TMPRSS2: variants seen among roughly 807,000 people sequenced by gnomAD.
The protein encoded by TMPRSS2 is transmembrane protease serine 2.
In TMPRSS2, 59 loss-of-function variants were observed where a neutral mutation model predicts 67.4. The observed-to-expected ratio is 0.88, with a 90% CI of 0.71 to 1.09. TMPRSS2 has a LOEUF of 1.09. TMPRSS2 is among the 50% of genes least tolerant of loss of function. The probability of loss-of-function intolerance (pLI) is 0.00; values close to 1 mark genes in which losing one functional copy is unlikely to be tolerated. For missense variants in TMPRSS2, 668 were observed against 642.7 expected (o/e 1.04, Z -0.43); for synonymous variants, 257 against 257.0 (o/e 1.00, Z 0.00).
At position 41,500,479 on chromosome 21, in the gene TMPRSS2, T is replaced by C. The variant is rs551677463; in HGVS notation, c.-56-2290A>G. Among the ~76,000 whole-genome samples the C allele has an allele frequency of 3.9e-5, 6 of 152,334 alleles. No individual in the cohort carries two copies. In the East Asian group the frequency reaches 9.6e-4, roughly 24 times the overall value. ...AGTACACCATCGCTTTCCTGTGTCC[T>C]AAGCAGAACTGGTTGCTGAATCATT... On this transcript the variant is annotated intron_variant, in intron 1 of 13. Transcript: ENST00000332149.
intron 9 of TMPRSS2, among the ~76,000 whole-genome samples, 175 bp from the exon 10 acceptor site, chr21:41,472,156 C>T (rs1373122884): frequency 1.3e-5 from 2 of 151,634 alleles, no homozygotes; most frequent in African/African-American, 4.9e-5. Flanking sequence ...CCACACTCCC[C>T]CAACCCCGAC....
At chr21:41,467,931 A>G (rs1031391985) in intron 12 of TMPRSS2, 45 bp from the exon 13 acceptor site, 15 of 1,611,488 alleles carry the variant, frequency 9.3e-6, no homozygotes, top group Non-Finnish European at 1.3e-5. Flanking sequence ...TCAAGTCACA[A>G]TCTGCCGCAC....
chr21:41,472,475 G>A (rs972296037), intron 9 of TMPRSS2, among the ~76,000 whole-genome samples: 4 of 152,102 alleles, frequency 2.6e-5, no homozygotes, highest in Admixed American at 1.3e-4. Flanking sequence ...GAGGGGGAGA[G>A]AAGGGAGCAC....
chr21:41,471,892 T>A lies in TMPRSS2; in HGVS notation c.989A>T (p.Lys330Ile). 1 of 1,613,616 alleles carries A rather than the reference T, an allele frequency of 6.2e-7. No homozygotes were observed. Among genetic ancestry groups the A allele is most frequent in the Admixed American group, 1.7e-5 (1 of 60,010 alleles). ...GTCATAATTTGGATGAGAAATCACT[T>A]TTTCTACTTGGTATCCGGCTCCATA... ...MFYGAGYQVE[K>I]VISHPNYDSK... is the part of the protein sequence containing the mutation. Residue 330 changes from lysine to isoleucine, a missense_variant, in exon 10 of 14, where the codon AAA becomes ATA. Lys to Ile is a moderately radical substitution (Grantham distance 102). Coordinates refer to ENST00000332149, the MANE Select transcript of TMPRSS2 (RefSeq NM_005656.4).
chr21:41,497,693 C>T (rs965632767), intron 2 of TMPRSS2, among the ~76,000 whole-genome samples: 2 of 152,174 alleles, frequency 1.3e-5, no homozygotes, highest in Non-Finnish European at 2.9e-5. Flanking sequence ...GAGTGGGCTC[C>T]AGGGAGAGGG....
At chr21:41,467,994 C>A in intron 12 of TMPRSS2, 108 bp from the exon 13 acceptor site, 1 of 1,235,112 alleles carries the variant, frequency 8.1e-7, no homozygotes, top group Admixed American at 1.9e-5. Context: ...GTGTGAGTTA[C>A]GAGTGACTGT....
chr21:41,477,428 T>C (rs1167242794), intron 7 of TMPRSS2, among the ~76,000 whole-genome samples: 1 of 152,108 alleles, frequency 6.6e-6, no homozygotes, highest in Non-Finnish European at 1.5e-5. Context: ...TCTTTACCAA[T>C]CACAGCTTTA....
chr21:41,502,566 C>A (rs1453529077), intron 1 of TMPRSS2: 1 of 985,264 alleles, frequency 1.0e-6, no homozygotes, highest in Non-Finnish European at 1.2e-6. Context: ...TCAAAAAGAG[C>A]CCTTTATGCC....
At chr21:41,491,770 G>A (rs754393239) in intron 3 of TMPRSS2, among the ~76,000 whole-genome samples, 6 of 152,270 alleles carry the variant, frequency 3.9e-5, no homozygotes, top group Non-Finnish European at 8.8e-5. Flanking sequence ...AGGAGAGTGT[G>A]TAAAGCGGGA....
At chr21:41,467,951 C>T in intron 12 of TMPRSS2, 65 bp from the exon 13 acceptor site, 2 of 1,598,416 alleles carry the variant, frequency 1.3e-6, no homozygotes, top group Admixed American at 1.7e-5. Flanking sequence ...CACCACTGAC[C>T]AGGCCTAGAG....
At chr21:41,507,526 C>CG (rs2091466674) in intron 1 of TMPRSS2, among the ~76,000 whole-genome samples, 1 of 152,166 alleles carries the variant, frequency 6.6e-6, no homozygotes, top group Non-Finnish European at 1.5e-5. Flanking sequence ...CCCGCCGCGC[C>CG]GGCCGTATCG....
In TMPRSS2 at chr21:41,471,947, C is replaced by T. The variant is rs772504668; in HGVS notation, c.934G>A (p.Ala312Thr). Residue 312 changes from alanine (A) to threonine (T), a missense_variant, in exon 10 of 14, where the codon GCG (alanine) becomes ACG (threonine). Ala to Thr is a moderately conservative substitution (Grantham distance 58). Transcript: ENST00000332149. The part of the protein sequence containing the change: ...LNNPWHWTAF[A>T]GILRQSFMFY... ...ATGAAAGATTGTCTCAAAATCCCCG[C>T]AAATGCCGTCCAATGCCATGGATTG... 8 of 1,612,496 alleles carry T rather than the reference C, an allele frequency of 5.0e-6. No individual in the cohort carries two copies. Among genetic ancestry groups the T allele is most frequent in the East Asian group, 4.5e-5 (2 of 44,838 alleles).
intron 1 of TMPRSS2, among the ~76,000 whole-genome samples, chr21:41,507,067 A>G (rs919280630): frequency 1.5e-4 from 23 of 152,206 alleles, no homozygotes; most frequent in African/African-American, 5.3e-4. Context: ...CGTTCTGAAC[A>G]GGATTCAGGG....
intron 2 of TMPRSS2, 110 bp downstream of exon 2, chr21:41,498,009 G>A (rs2091397111): frequency 1.2e-6 from 1 of 803,838 alleles, no homozygotes; most frequent in African/African-American, 1.7e-5. Flanking sequence ...GCGTGGCCCG[G>A]CGTTCCCTAC....
chr21:41,468,528 T>C lies in TMPRSS2; in HGVS notation c.1182A>G (p.Ser394=), dbSNP rs1175489557. The C allele has an allele frequency of 1.9e-6, 3 of 1,614,144 alleles. No homozygotes were observed. Among genetic ancestry groups the C allele is most frequent in the African/African-American group, 1.3e-5 (1 of 75,052 alleles). Residue 394 remains serine (S), a synonymous_variant, in exon 12 of 14, where the codon TCA becomes TCG. Coordinates refer to ENST00000332149, the MANE Select transcript of TMPRSS2 (RefSeq NM_005656.4). Reference sequence around the variant, plus strand: ...GCACCTTGGCAGCGTTCAGCACTTCTGAGGTCTTCCCTAAGGACAGGGAGA... The same window carrying C: ...GCACCTTGGCAGCGTTCAGCACTTCCGAGGTCTTCCCTAAGGACAGGGAGA... ...WGATEEKGKT[S]EVLNAAKVLL...
chr21:41,472,650 A>G (rs1290916061), intron 9 of TMPRSS2, among the ~76,000 whole-genome samples: 3 of 152,180 alleles, frequency 2.0e-5, no homozygotes, highest in African/African-American at 7.2e-5. Flanking sequence ...ATAGTTGTAC[A>G]TGCCATGGAT....
intron 5 of TMPRSS2, chr21:41,486,977 G>A (rs2091303178): frequency 6.6e-6 from 1 of 152,164 alleles, no homozygotes; most frequent in Non-Finnish European, 1.5e-5. Flanking sequence ...AAAACAGTAT[G>A]GAGTTTCCTC....
In TMPRSS2 at chr21:41,467,665, G is replaced by A. The variant is rs1208863418; in HGVS notation, c.1467+69C>T. ...AGTCAGCTTCCAGCAGCAGAACCAC[G>A]CCTAACAGATGTCTGGCTTTGGCTC... On this transcript the variant is annotated intron_variant, in intron 13 of 13. Transcript: ENST00000332149. 59 of 1,574,870 alleles carry A rather than the reference G, an allele frequency of 3.7e-5. No homozygotes were observed. In the Admixed American group the frequency reaches 4.8e-4, roughly 13 times the overall value.
At chr21:41,481,368 T>C (rs2091255876) in intron 5 of TMPRSS2, among the ~76,000 whole-genome samples, 1 of 152,078 alleles carries the variant, frequency 6.6e-6, no homozygotes, top group Non-Finnish European at 1.5e-5. Flanking sequence ...GCCACTTATA[T>C]TGTGTGAGCC....
Sources: allele counts gnomAD v4.1 joint callset (sites outside exome capture counted in the v4.1 genomes callset), GRCh38; gene constraint gnomAD v4.1.1; transcripts MANE v1.5; gene names NCBI Gene and HGNC (gene_info 2026-07-23, HGNC 2026-07-21).